Variants in BICRA observed in about 807,000 individuals in gnomAD.
BICRA encodes BRD4 interacting chromatin remodeling complex associated protein.
In BICRA, 31 loss-of-function variants were observed where a neutral mutation model predicts 96.9. The ratio of observed to expected loss-of-function variants is 0.32; its 90% CI spans 0.24 to 0.43. The LOEUF (loss-of-function observed/expected upper bound fraction) is 0.43, where lower values mean the gene tolerates loss of function less well. Among genes scored for constraint, BICRA ranks in the 20% least tolerant of loss-of-function variants. BICRA has a pLI of 1.00. For synonymous variants in BICRA, 1,350 were observed against 1,071.8 expected (o/e 1.26, Z -5.07); for missense variants, 2,283 against 2,190.3 (o/e 1.04, Z -0.84).
intron 1 of BICRA, among the ~76,000 whole-genome samples, chr19:47,651,442 C>T (rs1972539510): frequency 1.3e-5 from 2 of 152,096 alleles, no homozygotes; most frequent in African/African-American, 4.8e-5. Context: ...TCCTGCACAT[C>T]CTGTATGTAC....
chr19:47,623,610 A>G (rs1431327432), intron 1 of BICRA, among the ~76,000 whole-genome samples: 1 of 151,924 alleles, frequency 6.6e-6, no homozygotes, highest in Admixed American at 6.6e-5. Flanking sequence ...GACTGGGGAG[A>G]GCGATGAGGC....
At chr19:47,643,835 A>C (rs2123538588) in intron 1 of BICRA, among the ~76,000 whole-genome samples, 1 of 152,244 alleles carries the variant, frequency 6.6e-6, no homozygotes, top group Admixed American at 6.5e-5. Flanking sequence ...GCTGGCTGCG[A>C]GACTACCACA....
chr19:47,695,379 C>A lies in BICRA; in HGVS notation c.3091C>A (p.Leu1031Ile). Residue 1031 changes from leucine (L) to isoleucine (I), a missense_variant, in exon 10 of 15, where the codon CTT becomes ATT. Coordinates refer to ENST00000594866, the MANE Select transcript of BICRA (RefSeq NM_001394372.1). ...CCCACCCCCAGGCCTCCCTCCTCTG[C>A]TTCCAGCCGAGAACAAGGCTTTTGC... ...PMAATGLPPL[L>I]PAENKAFASN... 1.3e-6 allele frequency: 2 copies of A among 1,513,498 alleles called. No individual in the cohort carries two copies. Among genetic ancestry groups the A allele is most frequent in the Non-Finnish European group, 1.8e-6 (2 of 1,110,028 alleles). 93.8% of individuals were successfully genotyped at this position (1,513,498 alleles called of 1,614,324 possible).
chr19:47,663,845 C>G (rs998349344), intron 1 of BICRA: 3 of 151,886 alleles, frequency 2.0e-5, no homozygotes, highest in African/African-American at 7.3e-5. Context: ...CAAATACTCA[C>G]TCTTACCATG....
chr19:47,694,456 AG>A lies in BICRA; in HGVS notation c.2626del (p.Ala876ProfsTer71). 5.6e-6 allele frequency: 1 copy of A among 178,514 alleles called. No homozygotes were observed. The highest frequency in any genetic ancestry group is 1.1e-5 in the Non-Finnish European group (1 of 91,072). 11.1% of individuals were successfully genotyped at this position (178,514 alleles called of 1,614,324 possible). ...AGCCGCCTGAGGGACCGCTGCCCCC[AG>A]CCCCCCACCTCCCTCCATCCTCCAC... ...SQPPEGPLPP[A>X]PHLPPSSTSS... On this transcript the variant is annotated frameshift_variant, in exon 8 of 15. Transcript: ENST00000594866. LOFTEE classifies it high-confidence loss of function.
At chr19:47,690,150 C>T (rs879926766) in intron 7 of BICRA, among the ~76,000 whole-genome samples, 1 of 151,934 alleles carries the variant, frequency 6.6e-6, no homozygotes. Flanking sequence ...TACAGGTGCA[C>T]GCCACCATGC....
intron 5 of BICRA, among the ~76,000 whole-genome samples, chr19:47,677,202 G>T (rs1227812127): frequency 6.6e-6 from 1 of 152,206 alleles, no homozygotes; most frequent in Non-Finnish European, 1.5e-5. Context: ...CCTGCCAGGG[G>T]CCGGGTGATA....
chr19:47,677,006 C>T (rs940144231), intron 5 of BICRA, among the ~76,000 whole-genome samples: 15 of 152,188 alleles, frequency 9.9e-5, no homozygotes, highest in East Asian at 1.9e-4. Context: ...GGTCCTCAGT[C>T]GGTTGGAGGC....
chr19:47,688,566 G>A (rs952255861), intron 7 of BICRA, among the ~76,000 whole-genome samples: 1 of 152,020 alleles, frequency 6.6e-6, no homozygotes, highest in African/African-American at 2.4e-5. Flanking sequence ...CGAGTTGGGT[G>A]GATCACGAGG....
At chr19:47,635,380 C>T (rs761294635) in intron 1 of BICRA, among the ~76,000 whole-genome samples, 6 of 151,654 alleles carry the variant, frequency 4.0e-5, no homozygotes, top group Non-Finnish European at 7.4e-5. Flanking sequence ...ATCAAGTAGG[C>T]GGGACTACAG....
chr19:47,656,198 G>A (rs1972616257), intron 1 of BICRA, among the ~76,000 whole-genome samples: 1 of 151,986 alleles, frequency 6.6e-6, no homozygotes, highest in Non-Finnish European at 1.5e-5. Flanking sequence ...GGTCAAGGCT[G>A]CCATGAGTTC....
chr19:47,681,132 G>A lies in BICRA; in HGVS notation c.1962G>A (p.Gln654=). ...AQQPPQAPTP[Q]AAAPPQATTP... is the part of the protein sequence containing the mutation. Reference sequence around the variant, plus strand: ...AGCCCCCGCAGGCCCCCACCCCACAGGCCGCCGCCCCGCCTCAGGCCACCA... The same window carrying A: ...AGCCCCCGCAGGCCCCCACCCCACAAGCCGCCGCCCCGCCTCAGGCCACCA... The change falls in exon 6 of 15, where the codon CAG becomes CAA. Residue 654 remains glutamine (Q), a synonymous_variant. Coordinates refer to ENST00000594866, the MANE Select transcript of BICRA (RefSeq NM_001394372.1). 1 of 1,427,500 alleles carries A rather than the reference G, an allele frequency of 7.0e-7. No homozygotes were observed. The highest frequency in any genetic ancestry group is 9.4e-7 in the Non-Finnish European group (1 of 1,069,196). 88.4% of individuals were successfully genotyped at this position (1,427,500 alleles called of 1,614,324 possible). A position where few individuals can be genotyped will look rare whatever the true frequency, so the allele number is the denominator to read the frequency against.
At chr19:47,625,610 T>C (rs1311251089) in intron 1 of BICRA, among the ~76,000 whole-genome samples, 1 of 151,858 alleles carries the variant, frequency 6.6e-6, no homozygotes, top group Non-Finnish European at 1.5e-5. Context: ...TGGGTTTGGA[T>C]TGGGTTTTTG....
chr19:47,690,079 G>A (rs1973218254), intron 7 of BICRA, among the ~76,000 whole-genome samples: 1 of 152,072 alleles, frequency 6.6e-6, no homozygotes, highest in Non-Finnish European at 1.5e-5. Context: ...CTGGCTCACT[G>A]CAACCTCCGC....
At chr19:47,657,213 C>T (rs1292159241) in intron 1 of BICRA, among the ~76,000 whole-genome samples, 1 of 152,022 alleles carries the variant, frequency 6.6e-6, no homozygotes, top group African/African-American at 2.4e-5. Flanking sequence ...GACTTTTGTG[C>T]CAGGCTTCCT....
rs10421343 is a variant in BICRA at position 47,687,016 on chromosome 19, A to G, written c.2283+4864A>G. On this transcript the variant is annotated intron_variant, in intron 7 of 14. Transcript: ENST00000594866. ...ATGTATATTAACATTAAAATGTTTT[A>G]GAACAGAGTTGGGCATGTTGAAAGA... Among the ~76,000 whole-genome samples, 131 of 152,384 alleles carry G rather than the reference A, an allele frequency of 8.6e-4. 1 individual carries two copies. The highest frequency in any genetic ancestry group is 3.1e-3 in the African/African-American group (127 of 41,592).
rs991202215 is a variant in BICRA, at chr19:47,612,620, GGGGGCTGAGGGAGA to G, written c.-108+3460_-108+3473del. 3.9e-5 allele frequency among the ~76,000 whole-genome samples: 6 copies of G among 151,920 alleles called. No homozygotes were observed. In the East Asian group the frequency reaches 1.2e-3, roughly 29 times the overall value. On this transcript the variant is annotated intron_variant, in intron 1 of 14. Transcript: ENST00000594866. Reference sequence around the variant, plus strand: ...AATACATGCTTAGCTGTAGGGGCTGGGGGGCTGAGGGAGAGGGGCTGGGGGGCTGACGGAGAGGG... The same window carrying G: ...AATACATGCTTAGCTGTAGGGGCTGGGGGGCTGGGGGGCTGACGGAGAGGG...
Position 47,632,531 on chromosome 19 carries a change from C to T in BICRA, c.-108+23363C>T, listed in dbSNP as rs904750998. On this transcript the variant is annotated intron_variant, in intron 1 of 14. Transcript: ENST00000594866. ...AGGTGATGGGAGAGCTGGCTGCATCCGATGGTCCCACCGCAGGGAGCGTGA... is the reference window on the plus strand; with the variant it reads ...AGGTGATGGGAGAGCTGGCTGCATCTGATGGTCCCACCGCAGGGAGCGTGA... Among the ~76,000 whole-genome samples, 12 of 152,242 alleles carry T rather than the reference C, an allele frequency of 7.9e-5. No individual in the cohort carries two copies. The East Asian group carries it at 1.2e-3, about 15-fold the overall frequency.
chr19:47,631,514 C>T (rs1365455774), intron 1 of BICRA, among the ~76,000 whole-genome samples: 2 of 151,008 alleles, frequency 1.3e-5, no homozygotes, highest in Non-Finnish European at 3.0e-5. Context: ...AGGCATGAGC[C>T]ACCACATCCA....
Sources: allele counts gnomAD v4.1 joint callset (sites outside exome capture counted in the v4.1 genomes callset), GRCh38; gene constraint gnomAD v4.1.1; transcripts MANE v1.5; gene names NCBI Gene and HGNC (gene_info 2026-07-23, HGNC 2026-07-21).